The following MSN variants were observed in gnomAD, a reference collection of about 807,000 sequenced individuals.
MSN encodes the protein epididymis luminal protein 70.
In MSN, 2 loss-of-function variants were observed where a neutral mutation model predicts 48.0. That is an observed-to-expected ratio of 0.04 (90% CI 0.02 to 0.13). MSN has a LOEUF of 0.13. Ranked by LOEUF, MSN falls within the 10% of genes least tolerant of loss-of-function variation. MSN has a pLI of 1.00. For synonymous variants in MSN, 146 were observed against 166.9 expected (o/e 0.87, Z 0.97); for missense variants, 267 against 470.1 (o/e 0.57, Z 3.99).
At chrX:65,624,980 T>A (rs2070492358) in intron 1 of MSN, 1 of 111,981 alleles carries the variant, frequency 8.9e-6, no homozygotes. Context: ...TTTGGTATGC[T>A]GTGTTTTCAT....
At chrX:65,726,613 G>C (rs188174281) in intron 2 of MSN, among the ~76,000 whole-genome samples, 1 of 111,076 alleles carries the variant, frequency 9.0e-6, no homozygotes, top group East Asian at 2.8e-4. Flanking sequence ...CTTTGTGAGT[G>C]AGTGTGTGTG....
At chrX:65,636,747 CAAAA>C (rs1219240320) in intron 1 of MSN, among the ~76,000 whole-genome samples, 17 of 6,337 alleles carry the variant, frequency 2.7e-3, no homozygotes, top group African/African-American at 6.0e-3. Context: ...AACTCCATCT[CAAAA>C]AAAAAAAAAA....
chrX:65,726,558 A>T (rs2071569539), intron 2 of MSN, among the ~76,000 whole-genome samples: 1 of 111,130 alleles, frequency 9.0e-6, no homozygotes, highest in African/African-American at 3.3e-5. Flanking sequence ...CTTTGGATGC[A>T]TAATAGAAAC....
intron 1 of MSN, among the ~76,000 whole-genome samples, chrX:65,640,214 T>C (rs2070638087): frequency 9.0e-6 from 1 of 111,670 alleles, no homozygotes. Context: ...TGCCTCCAAA[T>C]CATTTCCCTC....
At position 65,652,328 on chromosome X, in the gene MSN, AG is replaced by A. The variant is rs748865482; in HGVS notation, c.-22+63718del. The stretch of plus-strand genomic sequence containing the variant: ...CTATGGCAAGCATCATCAATCAATC[AG>A]GAGGCCTGGAGCTGGACAAGTTTTT... On this transcript the variant is annotated intron_variant, in intron 1 of 3. Transcript: ENST00000609672. Among the ~76,000 whole-genome samples, 3 of 111,712 alleles carry A rather than the reference AG, an allele frequency of 2.7e-5. No individual in the cohort carries two copies. The South Asian group carries it at 1.1e-3, about 42-fold the overall frequency.
intron 1 of MSN, among the ~76,000 whole-genome samples, chrX:65,699,423 C>T (rs2071278325): frequency 8.9e-6 from 1 of 111,834 alleles, no homozygotes; most frequent in Admixed American, 9.5e-5. Flanking sequence ...TAAGACAGAC[C>T]TGAAGTCCAG....
At chrX:65,592,723 G>A (rs933436773) in intron 1 of MSN, among the ~76,000 whole-genome samples, 12 of 110,896 alleles carry the variant, frequency 1.1e-4, no homozygotes, top group African/African-American at 3.0e-4. Context: ...CAATCGGCAA[G>A]CAATTTCCTC....
intron 1 of MSN, among the ~76,000 whole-genome samples, chrX:65,673,983 G>A (rs1174017037): frequency 1.8e-5 from 2 of 111,272 alleles, no homozygotes; most frequent in African/African-American, 6.6e-5. Context: ...ACATGACCGT[G>A]GAGTTATGGC....
At chrX:65,604,280 G>A (rs1297276480) in intron 1 of MSN, among the ~76,000 whole-genome samples, 1 of 112,126 alleles carries the variant, frequency 8.9e-6, no homozygotes, top group African/African-American at 3.2e-5. Context: ...TTGGTTCATG[G>A]TAGGGTTGTG....
chrX:65,600,599 C>T lies in MSN; in HGVS notation c.-22+11987C>T, dbSNP rs1602708189. The T allele has an allele frequency of 2.7e-5, 3 of 111,946 alleles. No individual in the cohort carries two copies. In the Admixed American group the frequency reaches 2.8e-4, roughly 11 times the overall value. The allele number at this position is 111,946 out of a possible 1,213,427, so 9.2% of individuals were successfully genotyped here. On this transcript the variant is annotated intron_variant, in intron 1 of 3. Transcript: ENST00000609672. ...CTATTACTGCTGGCTACAGGAATTA[C>T]CATAATGTGTTTGGCTTGATTTTCC...
chrX:65,736,797 C>T lies in MSN; in HGVS notation c.962C>T (p.Ala321Val). 1 of 1,166,459 alleles carries T rather than the reference C, an allele frequency of 8.6e-7. No homozygotes were observed. The highest frequency in any genetic ancestry group is 1.1e-6 in the Non-Finnish European group (1 of 872,377). ...EEKHQKQMER[A>V]MLENEKKKRE... ...ATCCATTTTATCTCCTTCCCTAGTG[C>T]TATGCTGGAAAATGAGAAGAAGAAG... Residue 321 changes from alanine to valine, a missense_variant and splice_region_variant, in exon 9 of 13, where the codon GCT becomes GTT. Coordinates refer to ENST00000360270, the MANE Select transcript of MSN (RefSeq NM_002444.3).
intron 1 of MSN, among the ~76,000 whole-genome samples, chrX:65,600,245 G>A (rs1328899489): frequency 5.4e-5 from 6 of 111,013 alleles, no homozygotes; most frequent in Admixed American, 2.9e-4. Flanking sequence ...AAAAATTTCT[G>A]TTGGCTGCTC....
chrX:65,616,711 C>A (rs2070376037), intron 1 of MSN, among the ~76,000 whole-genome samples: 1 of 101,434 alleles, frequency 9.9e-6, no homozygotes, highest in African/African-American at 3.6e-5. Context: ...CTTCTCCTGC[C>A]TGATTGCCCT....
chrX:65,613,802 T>G (rs1485339311), intron 1 of MSN, among the ~76,000 whole-genome samples: 2 of 112,132 alleles, frequency 1.8e-5, no homozygotes, highest in African/African-American at 3.2e-5. Context: ...TTGCAAAAAT[T>G]TTCTCCCATT....
At position 65,691,561 on chromosome X, in the gene MSN, A is replaced by G. The variant is rs569118585; in HGVS notation, c.12+23708A>G. Among the ~76,000 whole-genome samples the G allele has an allele frequency of 3.6e-5, 4 of 110,577 alleles. No homozygotes were observed. In the South Asian group the frequency reaches 1.1e-3, roughly 31 times the overall value. On this transcript the variant is annotated intron_variant, in intron 1 of 12. Coordinates refer to ENST00000360270, the MANE Select transcript of MSN (RefSeq NM_002444.3). ...CTCTTGTTGCCCAGGCTGGAGTGCA[A>G]TGGTGCAATCTCGACTTACTGCAAC... is the stretch of plus-strand genomic sequence containing the variant.
At chrX:65,677,233 T>G (rs2071009216) in intron 1 of MSN, among the ~76,000 whole-genome samples, 1 of 111,874 alleles carries the variant, frequency 8.9e-6, no homozygotes, top group Non-Finnish European at 1.9e-5. Flanking sequence ...ATCTATGGTA[T>G]AGAGTTGGAG....
intron 1 of MSN, among the ~76,000 whole-genome samples, chrX:65,704,305 T>C (rs546617393): frequency 1.1e-4 from 12 of 112,094 alleles, no homozygotes; most frequent in African/African-American, 3.9e-4. Flanking sequence ...TGAAGTTTTA[T>C]GGGAGTTGAA....
chrX:65,733,502 C>T (rs2071644263), intron 7 of MSN, among the ~76,000 whole-genome samples: 2 of 112,357 alleles, frequency 1.8e-5, no homozygotes, highest in Non-Finnish European at 1.9e-5. Flanking sequence ...ACTCTGCTAC[C>T]TGTCTCTCTC....
At chrX:65,662,042 A>G (rs960116466) in intron 1 of MSN, among the ~76,000 whole-genome samples, 2 of 112,456 alleles carry the variant, frequency 1.8e-5, no homozygotes, top group Non-Finnish European at 3.7e-5. Context: ...AGCCACAAAG[A>G]AAATGAAATA....
Sources: allele counts gnomAD v4.1 joint callset (sites outside exome capture counted in the v4.1 genomes callset), GRCh38; gene constraint gnomAD v4.1.1; transcripts MANE v1.5; gene names NCBI Gene and HGNC (gene_info 2026-07-23, HGNC 2026-07-21).